The following MCTP1 variants were observed in gnomAD, a reference collection of about 807,000 sequenced individuals.
MCTP1 encodes multiple C2 and transmembrane domain-containing protein 1.
Under a neutral mutation model 120.6 loss-of-function variants are expected in MCTP1, and 69 were observed. The observed-to-expected ratio is 0.57, with a 90% CI of 0.47 to 0.70. The LOEUF (loss-of-function observed/expected upper bound fraction) is 0.70. MCTP1 is among the 30% of genes least tolerant of loss of function. MCTP1 has a pLI of 0.00. For missense variants in MCTP1, 1,203 were observed against 1,248.8 expected, an observed-to-expected ratio of 0.96 and a Z score of 0.55; for synonymous variants, 529 against 493.1, an observed-to-expected ratio of 1.07 and a Z score of -0.96.
intron 19 of MCTP1, among the ~76,000 whole-genome samples, chr5:94,767,190 A>G (rs901441179): frequency 1.3e-5 from 2 of 152,228 alleles, no homozygotes; most frequent in Non-Finnish European, 2.9e-5. Context: ...CAATAGACAC[A>G]GAACAAGCAT....
At chr5:95,013,709 T>G (rs1485867912) in intron 2 of MCTP1, among the ~76,000 whole-genome samples, 1 of 152,102 alleles carries the variant, frequency 6.6e-6, no homozygotes, top group African/African-American at 2.4e-5. Context: ...TTTTAAAATA[T>G]TACTGCTTAT....
At chr5:95,129,752 T>C (rs1300541635) in intron 1 of MCTP1, among the ~76,000 whole-genome samples, 4 of 152,094 alleles carry the variant, frequency 2.6e-5, no homozygotes, top group Non-Finnish European at 5.9e-5. Flanking sequence ...CTCCGCCTTC[T>C]GGGTTCGAGC....
chr5:95,178,081 C>T (rs930224757), intron 1 of MCTP1, among the ~76,000 whole-genome samples: 2 of 152,080 alleles, frequency 1.3e-5, no homozygotes, highest in Non-Finnish European at 2.9e-5. Context: ...GCCGTCTTTC[C>T]CCCACTTCCC....
At chr5:95,064,847 G>T (rs1381993465) in intron 1 of MCTP1, among the ~76,000 whole-genome samples, 1 of 152,224 alleles carries the variant, frequency 6.6e-6, no homozygotes, top group Non-Finnish European at 1.5e-5. Flanking sequence ...TTTCCAAACT[G>T]ATTTAGATGT....
chr5:94,974,680 C>CA (rs935451317), intron 2 of MCTP1, among the ~76,000 whole-genome samples: 1 of 151,654 alleles, frequency 6.6e-6, no homozygotes, highest in East Asian at 1.9e-4. Flanking sequence ...ACCTAAGTAT[C>CA]AAAAAAGTGC....
intron 19 of MCTP1, among the ~76,000 whole-genome samples, chr5:94,728,544 A>G (rs567184200): frequency 4.2e-4 from 64 of 152,302 alleles, no homozygotes; most frequent in African/African-American, 1.5e-3. Flanking sequence ...CCTGTTGTGC[A>G]TTTTACGAGT....
At chr5:94,747,828 C>T (rs897948654) in intron 19 of MCTP1, among the ~76,000 whole-genome samples, 1 of 151,980 alleles carries the variant, frequency 6.6e-6, no homozygotes, top group African/African-American at 2.4e-5. Flanking sequence ...TGGTGGCTCA[C>T]GCCTGTAAAC....
chr5:95,129,148 C>G (rs1307896951), intron 1 of MCTP1, among the ~76,000 whole-genome samples: 1 of 152,166 alleles, frequency 6.6e-6, no homozygotes, highest in Non-Finnish European at 1.5e-5. Flanking sequence ...AAGAAAGACT[C>G]TTTACTAAAC....
chr5:95,136,916 T>C (rs1759493781), intron 1 of MCTP1, among the ~76,000 whole-genome samples: 2 of 152,230 alleles, frequency 1.3e-5, no homozygotes, highest in South Asian at 4.1e-4. Context: ...TCCTGATCAA[T>C]TTCATCAAGA....
intron 1 of MCTP1, among the ~76,000 whole-genome samples, chr5:95,283,138 T>C (rs116487165): frequency 7.6e-4 from 116 of 152,298 alleles, no homozygotes; most frequent in African/African-American, 2.8e-3. Context: ...ACACATAAAA[T>C]TTCTAGTAAA....
chr5:95,072,950 T>A (rs546273360), intron 1 of MCTP1, among the ~76,000 whole-genome samples: 1 of 152,160 alleles, frequency 6.6e-6, no homozygotes, highest in South Asian at 2.1e-4. Flanking sequence ...TTTCACCGTG[T>A]TAGCCAGGAT....
At position 95,015,508 on chromosome 5, in the gene MCTP1, T is replaced by C. The variant is rs537945793; in HGVS notation, c.838+1859A>G. Among the ~76,000 whole-genome samples the C allele has an allele frequency of 1.0e-3, 159 of 152,294 alleles. 1 individual carries two copies. Among genetic ancestry groups the C allele is most frequent in the African/African-American group, 3.7e-3 (154 of 41,574 alleles). On this transcript the variant is annotated intron_variant, in intron 2 of 22. Transcript: ENST00000515393. ...TCTTGCCATCTGTTATTTACCTACA[T>C]TCTGTATGTTACCGATTTCATTAGT...
chr5:95,153,088 A>G (rs1266506940), intron 1 of MCTP1, among the ~76,000 whole-genome samples: 3 of 152,106 alleles, frequency 2.0e-5, no homozygotes, highest in African/African-American at 7.2e-5. Flanking sequence ...TGTGTCCCCA[A>G]CCAAATGTCA....
At chr5:95,195,247 T>A (rs190178933) in intron 1 of MCTP1, among the ~76,000 whole-genome samples, 319 of 152,222 alleles carry the variant, frequency 2.1e-3, no homozygotes, top group Admixed American at 3.5e-3. Context: ...GAATCTTGGG[T>A]TTTTCCCCCG....
At chr5:94,862,683 T>C (rs1287942876) in intron 17 of MCTP1, among the ~76,000 whole-genome samples, 4 of 151,962 alleles carry the variant, frequency 2.6e-5, no homozygotes, top group African/African-American at 7.2e-5. Flanking sequence ...GGGCCTTTTA[T>C]ATAATTGCAG....
At chr5:95,112,101 A>G (rs1475918018) in intron 1 of MCTP1, among the ~76,000 whole-genome samples, 1 of 152,206 alleles carries the variant, frequency 6.6e-6, no homozygotes, top group Non-Finnish European at 1.5e-5. Flanking sequence ...CCCATGTGTA[A>G]TGCCTTACAG....
chr5:94,884,348 C>G (rs896905202), intron 12 of MCTP1, among the ~76,000 whole-genome samples: 1 of 152,164 alleles, frequency 6.6e-6, no homozygotes, highest in Non-Finnish European at 1.5e-5. Context: ...GAGCTGTGAG[C>G]TCTTTATTAA....
intron 1 of MCTP1, among the ~76,000 whole-genome samples, chr5:95,109,023 T>C (rs1184652940): frequency 6.6e-6 from 1 of 152,196 alleles, no homozygotes; most frequent in East Asian, 1.9e-4. Context: ...GATAGATGCC[T>C]GGCACATGAA....
intron 18 of MCTP1, among the ~76,000 whole-genome samples, chr5:94,796,639 G>A (rs12516775): frequency 0.02 from 1,292 of 66,082 alleles, 2 homozygotes; most frequent in Middle Eastern, 0.041. Flanking sequence ...TATTATATAT[G>A]TAATATATAT....
Sources: allele counts gnomAD v4.1 joint callset (sites outside exome capture counted in the v4.1 genomes callset), GRCh38; gene constraint gnomAD v4.1.1; transcripts MANE v1.5; gene names NCBI Gene and HGNC (gene_info 2026-07-23, HGNC 2026-07-21).